C12orf42: variants seen among roughly 807,000 people sequenced by gnomAD.
C12orf42 encodes chromosome 12 open reading frame 42.
In C12orf42, 25 loss-of-function variants were observed where a neutral mutation model predicts 21.6. The ratio of observed to expected loss-of-function variants is 1.16; its 90% CI spans 0.84 to 1.62. The LOEUF (loss-of-function observed/expected upper bound fraction) is 1.62. Ranked by LOEUF, C12orf42 falls within the 40% of genes most tolerant of loss-of-function variation. C12orf42 has a pLI of 0.00. For missense variants in C12orf42, 483 were observed against 459.3 expected (o/e 1.05, Z -0.47); for synonymous variants, 174 against 175.0 (o/e 0.99, Z 0.05).
chr12:103,253,665 A>C (rs1253373594), intron 10 of C12orf42, among the ~76,000 whole-genome samples: 3 of 152,060 alleles, frequency 2.0e-5, no homozygotes, highest in Non-Finnish European at 2.9e-5. Flanking sequence ...TTGTATTCTG[A>C]GACTTTGCTG....
At chr12:103,529,942 G>A in the C12orf42 span, among the ~76,000 whole-genome samples, 1 of 151,930 alleles carries the variant, frequency 6.6e-6, no homozygotes, top group African/African-American at 2.4e-5. Flanking sequence ...ATTCTCCCCA[G>A]ATACCAAAAG....
At chr12:103,390,374 T>C (rs747550074) in intron 3 of C12orf42, among the ~76,000 whole-genome samples, 2 of 152,184 alleles carry the variant, frequency 1.3e-5, no homozygotes, top group African/African-American at 2.4e-5. Context: ...ACATACACAA[T>C]GCTCAATAAT....
At chr12:103,091,653 G>T in the C12orf42 span, among the ~76,000 whole-genome samples, 1 of 151,962 alleles carries the variant, frequency 6.6e-6, no homozygotes, top group African/African-American at 2.4e-5. Context: ...ATGATGAAGG[G>T]GTAGATTCTT....
At chr12:103,442,494 C>A (rs193223487) in intron 2 of C12orf42, among the ~76,000 whole-genome samples, 1 of 152,254 alleles carries the variant, frequency 6.6e-6, no homozygotes, top group East Asian at 1.9e-4. Context: ...ACATTCCAAC[C>A]TCACAAATGG....
chr12:103,474,361 CAGAA>C (rs1473371650), intron 2 of C12orf42, among the ~76,000 whole-genome samples: 1 of 151,922 alleles, frequency 6.6e-6, no homozygotes, highest in Non-Finnish European at 1.5e-5. Flanking sequence ...CCTACCAGAT[CAGAA>C]AGAGAGTCTG....
chr12:103,469,926 G>T (rs1953458747), intron 2 of C12orf42, among the ~76,000 whole-genome samples: 1 of 152,120 alleles, frequency 6.6e-6, no homozygotes, highest in South Asian at 2.1e-4. Context: ...ATTATATATA[G>T]CTCAGTTTGC....
intron 4 of C12orf42, chr12:103,368,133 C>T (rs1239471400): frequency 1.8e-6 from 2 of 1,085,148 alleles, no homozygotes; most frequent in Non-Finnish European, 2.5e-6. Context: ...TGGACAGTCG[C>T]AGGTTGTCAA....
chr12:103,281,941 AAGAAAG>A (rs2036159815), intron 4 of C12orf42, among the ~76,000 whole-genome samples: 1 of 151,904 alleles, frequency 6.6e-6, no homozygotes, highest in South Asian at 2.1e-4. Context: ...GAAAGAAAGA[AAGAAAG>A]AAAGAAAGAA....
chr12:103,216,701 A>G, the C12orf42 span, among the ~76,000 whole-genome samples: 1 of 152,038 alleles, frequency 6.6e-6, no homozygotes, highest in Non-Finnish European at 1.5e-5. Context: ...CACAATATAG[A>G]ATCCAATAAG....
intron 2 of C12orf42, among the ~76,000 whole-genome samples, chr12:103,405,998 A>C (rs1364156469): frequency 6.6e-6 from 1 of 152,144 alleles, no homozygotes; most frequent in Non-Finnish European, 1.5e-5. Context: ...TTGGTTAGAA[A>C]ATTACTGCCC....
chr12:103,252,414 T>C (rs926565368), intron 10 of C12orf42, among the ~76,000 whole-genome samples: 11 of 152,152 alleles, frequency 7.2e-5, no homozygotes, highest in Non-Finnish European at 1.0e-4. Context: ...CTACCAACAG[T>C]GTAAAAGCAT....
At chr12:103,182,620 C>G in the C12orf42 span, among the ~76,000 whole-genome samples, 1 of 152,136 alleles carries the variant, frequency 6.6e-6, no homozygotes, top group Non-Finnish European at 1.5e-5. Flanking sequence ...TTTACTAATA[C>G]CCTACCCTCA....
At chr12:103,055,092 GAA>G in the C12orf42 span, among the ~76,000 whole-genome samples, 2 of 151,836 alleles carry the variant, frequency 1.3e-5, no homozygotes, top group African/African-American at 4.8e-5. Flanking sequence ...AAATGAGTTA[GAA>G]AAGCATTCCT....
At chr12:103,198,464 A>G in the C12orf42 span, among the ~76,000 whole-genome samples, 5 of 152,184 alleles carry the variant, frequency 3.3e-5, no homozygotes, top group African/African-American at 1.2e-4. Flanking sequence ...TCCAGGTCCA[A>G]CAGTCACCAA....
At chr12:103,554,136 A>C in the C12orf42 span, among the ~76,000 whole-genome samples, 1 of 152,178 alleles carries the variant, frequency 6.6e-6, no homozygotes, top group African/African-American at 2.4e-5. Context: ...AGTTCTGTGG[A>C]TAGAGCTCCA....
the C12orf42 span, among the ~76,000 whole-genome samples, chr12:103,085,854 T>C: frequency 6.6e-6 from 1 of 152,198 alleles, no homozygotes; most frequent in African/African-American, 2.4e-5. Flanking sequence ...GTGATAATAC[T>C]TCTGTTATTC....
At chr12:103,490,115 T>C (rs141634090) in intron 1 of C12orf42, among the ~76,000 whole-genome samples, 6 of 152,342 alleles carry the variant, frequency 3.9e-5, no homozygotes, top group Non-Finnish European at 8.8e-5. Flanking sequence ...GGTTTATGTA[T>C]TGCTCCTTCC....
At chr12:103,154,744 C>T in the C12orf42 span, among the ~76,000 whole-genome samples, 1 of 152,034 alleles carries the variant, frequency 6.6e-6, no homozygotes, top group East Asian at 1.9e-4. Context: ...GGAGGAAATT[C>T]CGTTTTTTTC....
chr12:103,330,702 C>A (rs1055840722), intron 4 of C12orf42, among the ~76,000 whole-genome samples: 27 of 152,180 alleles, frequency 1.8e-4, no homozygotes, highest in Non-Finnish European at 3.4e-4. Flanking sequence ...CCCCACAGAG[C>A]TTTACTTTTC....
Sources: gnomAD v4.1 joint callset for allele counts (sites outside exome capture counted in the v4.1 genomes callset) on GRCh38, gnomAD v4.1.1 for gene constraint, MANE v1.5 for transcripts, NCBI Gene and HGNC (gene_info 2026-07-23, HGNC 2026-07-21) for gene names.